TRMT9B: variants seen among roughly 807,000 people sequenced by gnomAD.
The protein encoded by TRMT9B is tRNA methyltransferase 9B (putative), also known as probable tRNA methyltransferase 9B.
In TRMT9B, 16 loss-of-function variants were observed where a neutral mutation model predicts 11.5. That is an observed-to-expected ratio of 1.39 (90% CI 0.94 to 2.11). The LOEUF (loss-of-function observed/expected upper bound fraction) is 2.11, where lower values mean the gene tolerates loss of function less well. Among genes scored for constraint, TRMT9B ranks in the 30% most tolerant of loss-of-function variants. The pLI is 0.00. For missense variants in TRMT9B, 941 were observed against 553.8 expected, an observed-to-expected ratio of 1.70 and a Z score of -7.02; for synonymous variants, 274 against 192.4, an observed-to-expected ratio of 1.42 and a Z score of -3.51.
chr8:12,948,476 T>A (rs1800372670), intron 1 of TRMT9B, among the ~76,000 whole-genome samples: 1 of 148,152 alleles, frequency 6.7e-6, no homozygotes, highest in Non-Finnish European at 1.5e-5. Flanking sequence ...AATACAATAA[T>A]TTATATTATA....
At chr8:13,001,114 T>C (rs929433264) in intron 2 of TRMT9B, among the ~76,000 whole-genome samples, 1 of 152,230 alleles carries the variant, frequency 6.6e-6, no homozygotes, top group Non-Finnish European at 1.5e-5. Context: ...TACAGCTACA[T>C]TTATTTTGCA....
intron 1 of TRMT9B, among the ~76,000 whole-genome samples, chr8:12,969,485 G>A (rs1803285586): frequency 6.6e-6 from 1 of 151,948 alleles, no homozygotes; most frequent in African/African-American, 2.4e-5. Flanking sequence ...GATACAAAAG[G>A]GCATAGTATT....
intron 2 of TRMT9B, among the ~76,000 whole-genome samples, chr8:12,993,543 C>G (rs1271023791): frequency 2.0e-5 from 3 of 152,134 alleles, no homozygotes; most frequent in Non-Finnish European, 2.9e-5. Context: ...GCAAGAGGAA[C>G]AGACAGACCA....
At chr8:12,953,425 A>G (rs71522314) in intron 1 of TRMT9B, among the ~76,000 whole-genome samples, 50,714 of 151,868 alleles carry the variant, frequency 0.33, 9,934 homozygotes, top group Middle Eastern at 0.49. Flanking sequence ...TCTTGGCTCA[A>G]TACAACTTCC....
Position 13,024,041 on chromosome 8 carries a change from C to CTCTTT in TRMT9B, c.*1998_*1999insCTTTT, listed in dbSNP as rs748292517. ...AAAATTAATTTGGTTTCTTCTATTTCTTTTTTTTTTTTTTTTTTTTGAGAC... is the reference window on the plus strand; with the variant it reads ...AAAATTAATTTGGTTTCTTCTATTTCTCTTTTTTTTTTTTTTTTTTTTTTTGAGAC... On this transcript the variant is annotated 3_prime_UTR_variant, in exon 5 of 5. Coordinates refer to ENST00000524591, the MANE Select transcript of TRMT9B (RefSeq NM_020844.3). 8.7e-6 allele frequency: 1 copy of CTCTTT among 114,614 alleles called. No individual in the cohort carries two copies. The highest frequency in any genetic ancestry group is 3.1e-4 in the East Asian group (1 of 3,240). 7.1% of individuals were successfully genotyped at this position (114,614 alleles called of 1,614,324 possible).
At chr8:12,966,585 T>G in intron 1 of TRMT9B, among the ~76,000 whole-genome samples, 1 of 152,246 alleles carries the variant, frequency 6.6e-6, no homozygotes, top group East Asian at 1.9e-4. Flanking sequence ...TTTCTATTGT[T>G]TAGCCATGTG....
At chr8:12,965,439 G>A (rs1300831717) in intron 1 of TRMT9B, among the ~76,000 whole-genome samples, 1 of 152,172 alleles carries the variant, frequency 6.6e-6, no homozygotes, top group Non-Finnish European at 1.5e-5. Context: ...TTAGCCAGAA[G>A]ACATGGTGTG....
chr8:13,025,479 T>G lies in TRMT9B; in HGVS notation c.*3435T>G, dbSNP rs1814585860. 6.1e-6 allele frequency: 1 copy of G among 162,846 alleles called. No homozygotes were observed. Among genetic ancestry groups the G allele is most frequent in the Admixed American group, 6.5e-5 (1 of 15,294 alleles). 10.1% of individuals were successfully genotyped at this position (162,846 alleles called of 1,614,324 possible). A position where few individuals can be genotyped will look rare whatever the true frequency, so the allele number is the denominator to read the frequency against. On this transcript the variant is annotated 3_prime_UTR_variant, in exon 5 of 5. Transcript: ENST00000524591. ...TTGCAGTGAGCCGAGATTGTGCCAT[T>G]GCACTCCAACCTGGGCAACAAGAGT...
rs548362434 is a variant in TRMT9B at position 13,015,195 on chromosome 8, T to C, written c.328+2338T>C. 1.6e-3 allele frequency among the ~76,000 whole-genome samples: 238 copies of C among 152,236 alleles called. 2 individuals are homozygous for C. Among genetic ancestry groups the C allele is most frequent in the South Asian group, 7.9e-3 (38 of 4,826 alleles). On this transcript the variant is annotated intron_variant, in intron 4 of 4. Coordinates refer to ENST00000524591, the MANE Select transcript of TRMT9B (RefSeq NM_020844.3). ...TTTTAACTAAACCTTCAAATTGTTA[T>C]TGGATTTTTTTAATGATTCAAGAAT...
chr8:12,985,455 G>A (rs996246193), intron 1 of TRMT9B, among the ~76,000 whole-genome samples: 1 of 152,134 alleles, frequency 6.6e-6, no homozygotes, highest in South Asian at 2.1e-4. Context: ...CAGAGTCAAA[G>A]TGTCACCCCA....
intron 1 of TRMT9B, among the ~76,000 whole-genome samples, chr8:12,980,356 A>T (rs532885618): frequency 2.4e-4 from 37 of 152,194 alleles, no homozygotes; most frequent in African/African-American, 8.9e-4. Context: ...CACCCAGATA[A>T]CCCAGGATGA....
chr8:12,968,615 G>T (rs550888661), intron 1 of TRMT9B, among the ~76,000 whole-genome samples: 1 of 152,128 alleles, frequency 6.6e-6, no homozygotes, highest in Non-Finnish European at 1.5e-5. Flanking sequence ...CGATAGCCAC[G>T]TGGACTCCAG....
intron 1 of TRMT9B, chr8:12,952,211 G>C (rs748364262): frequency 4.4e-6 from 2 of 450,936 alleles, no homozygotes; most frequent in South Asian, 3.1e-5. Context: ...GGCGACCGGA[G>C]CACTGACAAT....
chr8:12,974,876 A>G (rs1804195770), intron 1 of TRMT9B, among the ~76,000 whole-genome samples: 1 of 152,268 alleles, frequency 6.6e-6, no homozygotes, highest in Middle Eastern at 3.4e-3. Context: ...ATGATCCCCT[A>G]AAAGATCATA....
chr8:12,981,709 C>T (rs948072903), intron 1 of TRMT9B, among the ~76,000 whole-genome samples: 5 of 152,008 alleles, frequency 3.3e-5, no homozygotes, highest in Non-Finnish European at 2.9e-5. Context: ...AAGTGATCAT[C>T]CAGCCTCAGT....
intron 1 of TRMT9B, among the ~76,000 whole-genome samples, chr8:12,950,091 C>A (rs1476785168): frequency 6.6e-6 from 1 of 152,120 alleles, no homozygotes; most frequent in African/African-American, 2.4e-5. Flanking sequence ...TGGCCTCAAG[C>A]GATCCTCCCA....
rs951130126 is a variant in TRMT9B, at chr8:13,004,830, C to T, written c.-1-1372C>T. On this transcript the variant is annotated intron_variant, in intron 2 of 4. Coordinates refer to ENST00000524591, the MANE Select transcript of TRMT9B (RefSeq NM_020844.3). ...TTGCCTTGCACATTAGGTACCAGCT[C>T]GGCCACAGTGGGGAAGGGGTCTTTG... 7.2e-5 allele frequency among the ~76,000 whole-genome samples: 11 copies of T among 151,946 alleles called. No individual in the cohort carries two copies. In the South Asian group the frequency reaches 1.0e-3, roughly 14 times the overall value.
chr8:13,026,563 G>GT lies in TRMT9B; in HGVS notation c.*4524dup, dbSNP rs1377493525. 1.2e-5 allele frequency: 2 copies of GT among 167,010 alleles called. No homozygotes were observed. Among genetic ancestry groups the GT allele is most frequent in the South Asian group, 2.1e-4 (1 of 4,832 alleles). The allele number at this position is 167,010 out of a possible 1,614,324, so 10.3% of individuals were successfully genotyped here. The stretch of plus-strand genomic sequence containing the variant: ...TAAAAAAGAGTAATAAAGGATTTTT[G>GT]TTTTTAAAAAAAGCAACGTTCATTA... On this transcript the variant is annotated 3_prime_UTR_variant, in exon 5 of 5. Coordinates refer to ENST00000524591, the MANE Select transcript of TRMT9B (RefSeq NM_020844.3).
At chr8:13,017,075 G>T (rs1812849690) in intron 4 of TRMT9B, among the ~76,000 whole-genome samples, 1 of 104,948 alleles carries the variant, frequency 9.5e-6, no homozygotes, top group East Asian at 2.3e-4. Context: ...AGTGAACCAG[G>T]TCACACCACT....
Sources: gnomAD v4.1 joint callset for allele counts (sites outside exome capture counted in the v4.1 genomes callset) on GRCh38, gnomAD v4.1.1 for gene constraint, MANE v1.5 for transcripts, NCBI Gene and HGNC (gene_info 2026-07-23, HGNC 2026-07-21) for gene names.